The following GPC5 variants were observed in gnomAD, a reference collection of about 807,000 sequenced individuals.
GPC5 encodes the protein glypican-5.
Under a neutral mutation model 53.9 loss-of-function variants are expected in GPC5, and 47 were observed. That is an observed-to-expected ratio of 0.87 (90% CI 0.69 to 1.11). GPC5 has a LOEUF of 1.11. Among genes scored for constraint, GPC5 ranks in the 50% most tolerant of loss-of-function variants. GPC5 has a pLI of 0.00. For missense variants in GPC5, 748 were observed against 713.1 expected, an observed-to-expected ratio of 1.05 and a Z score of -0.56; for synonymous variants, 286 against 263.3, an observed-to-expected ratio of 1.09 and a Z score of -0.84.
intron 6 of GPC5, among the ~76,000 whole-genome samples, chr13:92,062,493 T>A (rs1311721033): frequency 6.6e-6 from 1 of 151,990 alleles, no homozygotes; most frequent in Non-Finnish European, 1.5e-5. Flanking sequence ...ACAAGAAATT[T>A]TCCTAATCTC....
intron 7 of GPC5, among the ~76,000 whole-genome samples, chr13:92,650,681 G>T (rs756629734): frequency 1.8e-4 from 28 of 152,048 alleles, no homozygotes; most frequent in Non-Finnish European, 3.7e-4. Flanking sequence ...ATTTATGAAA[G>T]TCCCTATGGA....
intron 2 of GPC5, among the ~76,000 whole-genome samples, chr13:91,646,441 T>C (rs944684833): frequency 2.4e-4 from 37 of 151,956 alleles, no homozygotes; most frequent in Non-Finnish European, 2.9e-5. Context: ...GAAAATTAAA[T>C]ATGATTATAC....
intron 2 of GPC5, among the ~76,000 whole-genome samples, chr13:91,478,719 C>T (rs1023347961): frequency 3.1e-4 from 46 of 146,600 alleles, no homozygotes; most frequent in Non-Finnish European, 5.5e-4. Flanking sequence ...AGCTATGAAT[C>T]AGGAGGATTG....
At chr13:92,344,443 G>A (rs1385208628) in intron 7 of GPC5, among the ~76,000 whole-genome samples, 1 of 152,128 alleles carries the variant, frequency 6.6e-6, no homozygotes, top group Non-Finnish European at 1.5e-5. Flanking sequence ...TATCACTGCA[G>A]AATTAGAAGG....
intron 6 of GPC5, among the ~76,000 whole-genome samples, chr13:92,132,547 C>T (rs1249630069): frequency 6.6e-6 from 1 of 152,094 alleles, no homozygotes; most frequent in Non-Finnish European, 1.5e-5. Flanking sequence ...CCTGAGTTTA[C>T]AGGTGTGTCC....
intron 6 of GPC5, among the ~76,000 whole-genome samples, chr13:92,120,410 A>G (rs2041639301): frequency 1.3e-5 from 2 of 152,154 alleles, no homozygotes; most frequent in South Asian, 4.1e-4. Flanking sequence ...GGTGTGCACC[A>G]TCATGCCTGG....
chr13:92,203,766 A>T (rs957374881), intron 7 of GPC5, among the ~76,000 whole-genome samples: 1 of 151,174 alleles, frequency 6.6e-6, no homozygotes, highest in Non-Finnish European at 1.5e-5. Flanking sequence ...AAAAAAAAAA[A>T]ATCAGCAACA....
intron 2 of GPC5, among the ~76,000 whole-genome samples, chr13:91,463,154 C>T (rs945952394): frequency 6.6e-6 from 1 of 152,020 alleles, no homozygotes; most frequent in Non-Finnish European, 1.5e-5. Context: ...TTGCATATAA[C>T]CTACTCAAAT....
chr13:92,233,197 A>T (rs1307062809), intron 7 of GPC5, among the ~76,000 whole-genome samples: 1 of 152,334 alleles, frequency 6.6e-6, no homozygotes, highest in South Asian at 2.1e-4. Flanking sequence ...TATAGCAACA[A>T]ATTTAATTAT....
At chr13:92,475,118 G>T (rs1351499334) in intron 7 of GPC5, among the ~76,000 whole-genome samples, 2 of 152,110 alleles carry the variant, frequency 1.3e-5, no homozygotes, top group African/African-American at 4.8e-5. Context: ...AAAATAAACA[G>T]TTGAAGTCAG....
chr13:92,570,533 G>A (rs1594312951), intron 7 of GPC5, among the ~76,000 whole-genome samples: 1 of 151,934 alleles, frequency 6.6e-6, no homozygotes, highest in African/African-American at 2.4e-5. Context: ...AGCAGATATT[G>A]TTCTGTAACT....
intron 7 of GPC5, among the ~76,000 whole-genome samples, chr13:92,244,766 G>T (rs930422358): frequency 3.9e-5 from 6 of 152,126 alleles, no homozygotes; most frequent in Non-Finnish European, 7.4e-5. Flanking sequence ...TTGGCTGGGC[G>T]CAATGGCTCA....
At chr13:92,519,869 G>T (rs1269866594) in intron 7 of GPC5, among the ~76,000 whole-genome samples, 2 of 151,802 alleles carry the variant, frequency 1.3e-5, no homozygotes, top group Non-Finnish European at 2.9e-5. Flanking sequence ...CAACAAAATT[G>T]ATAGACTGCT....
intron 2 of GPC5, among the ~76,000 whole-genome samples, chr13:91,552,082 C>A (rs2030672806): frequency 6.6e-6 from 1 of 151,892 alleles, no homozygotes; most frequent in African/African-American, 2.4e-5. Context: ...GATTTTTATT[C>A]TATTATAATC....
intron 7 of GPC5, among the ~76,000 whole-genome samples, chr13:92,288,012 TC>T (rs2042968078): frequency 6.6e-6 from 1 of 152,086 alleles, no homozygotes; most frequent in Admixed American, 6.5e-5. Context: ...AGCAGATTCT[TC>T]CTTACATCTG....
chr13:92,369,705 A>C (rs1158709356), intron 7 of GPC5, among the ~76,000 whole-genome samples: 1 of 152,218 alleles, frequency 6.6e-6, no homozygotes, highest in Non-Finnish European at 1.5e-5. Context: ...GTATCATAAA[A>C]ATGCTTGCAG....
chr13:91,920,127 A>T (rs9523449), intron 6 of GPC5, among the ~76,000 whole-genome samples: 41 of 151,878 alleles, frequency 2.7e-4, no homozygotes, highest in Non-Finnish European at 2.9e-4. Flanking sequence ...AAGGGAAAAA[A>T]GAAAGAAATG....
At chr13:92,835,794 A>C (rs568826922) in intron 7 of GPC5, among the ~76,000 whole-genome samples, 1 of 152,148 alleles carries the variant, frequency 6.6e-6, no homozygotes, top group East Asian at 1.9e-4. Flanking sequence ...CAAATGCTCA[A>C]CATCTTCACC....
intron 5 of GPC5, among the ~76,000 whole-genome samples, chr13:91,837,589 T>G (rs1042064060): frequency 2.6e-5 from 4 of 152,198 alleles, no homozygotes; most frequent in Non-Finnish European, 5.9e-5. Context: ...GCATTTCTAG[T>G]ACCTTAGCTA....
Sources: allele counts gnomAD v4.1 joint callset (sites outside exome capture counted in the v4.1 genomes callset), GRCh38; gene constraint gnomAD v4.1.1; transcripts MANE v1.5; gene names NCBI Gene and HGNC (gene_info 2026-07-23, HGNC 2026-07-21).